ZFP64: variants seen among roughly 807,000 people sequenced by gnomAD.
ZFP64 encodes ZFP64 zinc finger protein.
A neutral mutation model predicts 51.6 loss-of-function variants in ZFP64; 14 were observed. That is an observed-to-expected ratio of 0.27 (90% CI 0.18 to 0.42). The LOEUF is 0.42. Ranked by LOEUF, ZFP64 falls within the 10% of genes least tolerant of loss-of-function variation. The pLI is 1.00. For missense variants in ZFP64, 754 were observed against 906.8 expected (o/e 0.83, Z 2.16); for synonymous variants, 375 against 361.4 (o/e 1.04, Z -0.43).
chr20:52,155,301 G>A, intron 5 of ZFP64, among the ~76,000 whole-genome samples: 1 of 152,198 alleles, frequency 6.6e-6, no homozygotes, highest in Non-Finnish European at 1.5e-5. Flanking sequence ...TTGGTTGCCT[G>A]TTTTCATAAT....
At chr20:52,188,640 A>G (rs1984152272) in intron 1 of ZFP64, among the ~76,000 whole-genome samples, 1 of 151,906 alleles carries the variant, frequency 6.6e-6, no homozygotes, top group East Asian at 1.9e-4. Flanking sequence ...GATACTAATC[A>G]TATCAAGAAT....
intron 5 of ZFP64, among the ~76,000 whole-genome samples, chr20:52,113,133 G>C (rs1031434589): frequency 1.3e-5 from 2 of 152,028 alleles, no homozygotes; most frequent in African/African-American, 4.8e-5. Context: ...AAGAGATCCA[G>C]ACCATCCCGG....
At chr20:52,087,749 C>A (rs1422115125) in intron 8 of ZFP64, among the ~76,000 whole-genome samples, 1 of 152,190 alleles carries the variant, frequency 6.6e-6, no homozygotes. Context: ...AAGCCCAGAG[C>A]CCTCAGGGCC....
chr20:52,162,520 G>A (rs998614345), intron 4 of ZFP64, among the ~76,000 whole-genome samples: 5 of 151,674 alleles, frequency 3.3e-5, no homozygotes, highest in Admixed American at 6.6e-5. Context: ...CCAGCTACTC[G>A]GGAGAATGAG....
intron 2 of ZFP64, among the ~76,000 whole-genome samples, chr20:52,177,578 C>T (rs376136627): frequency 1.5e-4 from 23 of 152,124 alleles, no homozygotes; most frequent in African/African-American, 4.6e-4. Flanking sequence ...TGCGGCCATG[C>T]GGAGGACGCG....
chr20:52,131,822 A>T (rs947965624), intron 5 of ZFP64, among the ~76,000 whole-genome samples: 1 of 152,198 alleles, frequency 6.6e-6, no homozygotes, highest in Non-Finnish European at 1.5e-5. Context: ...TCCCGACAGA[A>T]AATCAACAAA....
chr20:52,148,760 T>G (rs535411908), downstream of ZFP64, among the ~76,000 whole-genome samples: 1 of 144,562 alleles, frequency 6.9e-6, no homozygotes, highest in South Asian at 2.2e-4. Context: ...GAAAAACAAA[T>G]AAGCAAGCAG....
chr20:52,104,559 G>T, intron 5 of ZFP64: 1 of 360,280 alleles, frequency 2.8e-6, no homozygotes. Flanking sequence ...ATCACCTCTC[G>T]GGCCTCCGGT....
intron 5 of ZFP64, among the ~76,000 whole-genome samples, chr20:52,143,655 C>T (rs1335625890): frequency 7.1e-6 from 1 of 140,750 alleles, no homozygotes; most frequent in Non-Finnish European, 1.6e-5. Flanking sequence ...CTAATCTCAG[C>T]CTCTAGAGTA....
chr20:52,173,733 C>G (rs965056467), intron 2 of ZFP64, among the ~76,000 whole-genome samples: 5 of 151,886 alleles, frequency 3.3e-5, no homozygotes, highest in African/African-American at 1.2e-4. Flanking sequence ...ACAGCAACCT[C>G]CGCTACCCAG....
At chr20:52,176,232 T>TC (rs1158697051) in intron 2 of ZFP64, among the ~76,000 whole-genome samples, 1 of 151,728 alleles carries the variant, frequency 6.6e-6, no homozygotes, top group East Asian at 1.9e-4. Context: ...AGTGAGACCT[T>TC]CCCCCCACCC....
intron 7 of ZFP64, among the ~76,000 whole-genome samples, chr20:52,095,064 AT>A (rs1372221065): frequency 6.6e-6 from 1 of 152,236 alleles, no homozygotes; most frequent in Non-Finnish European, 1.5e-5. Flanking sequence ...TTATTTGCAT[AT>A]GTTAATTTAC....
At chr20:52,086,981 G>A (rs1448225060) in intron 8 of ZFP64, among the ~76,000 whole-genome samples, 1 of 152,072 alleles carries the variant, frequency 6.6e-6, no homozygotes, top group African/African-American at 2.4e-5. Context: ...CACTAGCATG[G>A]TGGCTGGGAG....
At chr20:52,156,555 T>C (rs116860964) in intron 5 of ZFP64, among the ~76,000 whole-genome samples, 1,757 of 152,302 alleles carry the variant, frequency 0.012, 17 homozygotes, top group Non-Finnish European at 0.021. Context: ...CCAGCCAAGG[T>C]CAGCTGGTTT....
In ZFP64 at chr20:52,143,702, ATT is replaced by A. The variant is rs11478756; in HGVS notation, c.763+16419_763+16420del. On this transcript the variant is annotated intron_variant, in intron 5 of 8. Transcript: ENST00000361387. ...AGGTGCACACCACCACACCCGGCCA[ATT>A]TTTTTTTTTATTATTAATAGTATTT... 1.9e-4 allele frequency among the ~76,000 whole-genome samples: 26 copies of A among 134,604 alleles called. 1 individual carries two copies. Among genetic ancestry groups the A allele is most frequent in the African/African-American group, 5.8e-4 (22 of 38,046 alleles). 88.3% of individuals were successfully genotyped at this position (134,604 alleles called of 152,430 possible). A position where few individuals can be genotyped will look rare whatever the true frequency, so the allele number is the denominator to read the frequency against.
chr20:52,174,767 G>C (rs1413865164), intron 2 of ZFP64, among the ~76,000 whole-genome samples: 1 of 151,952 alleles, frequency 6.6e-6, no homozygotes, highest in African/African-American at 2.4e-5. Context: ...TCATTTCTTT[G>C]GGTACATTCC....
chr20:52,177,663 C>T (rs1317013566), intron 2 of ZFP64, among the ~76,000 whole-genome samples: 2 of 151,922 alleles, frequency 1.3e-5, no homozygotes, highest in African/African-American at 4.8e-5. Flanking sequence ...AGCTGCCGAA[C>T]TGACCTTGCC....
intron 5 of ZFP64, chr20:52,105,119 C>T (rs758545057): frequency 2.6e-5 from 36 of 1,405,802 alleles, no homozygotes; most frequent in Non-Finnish European, 3.2e-5. Context: ...GGGGCTCCAG[C>T]GGCGCTACTC....
At chr20:52,166,074 C>A (rs17731537) in intron 2 of ZFP64, 49 bp from the exon 3 acceptor site, 4 of 1,539,644 alleles carry the variant, frequency 2.6e-6, no homozygotes, top group Non-Finnish European at 3.5e-6. Context: ...TGCCCGCTAG[C>A]TATGGTGTCT....
Sources: allele counts gnomAD v4.1 joint callset (sites outside exome capture counted in the v4.1 genomes callset), GRCh38; gene constraint gnomAD v4.1.1; transcripts MANE v1.5; gene names NCBI Gene and HGNC (gene_info 2026-07-23, HGNC 2026-07-21).